PCGF5: variants seen among roughly 807,000 people sequenced by gnomAD.
PCGF5 encodes polycomb group ring finger 5.
A neutral mutation model predicts 44.3 loss-of-function variants in PCGF5; 9 were observed. The ratio of observed to expected loss-of-function variants is 0.20; its 90% CI spans 0.12 to 0.35. The LOEUF (loss-of-function observed/expected upper bound fraction) is 0.35, where lower values mean the gene tolerates loss of function less well. Ranked by LOEUF, PCGF5 falls within the 10% of genes least tolerant of loss-of-function variation. PCGF5 has a pLI of 1.00. For missense variants in PCGF5, 146 were observed against 305.3 expected, an observed-to-expected ratio of 0.48 and a Z score of 3.89; for synonymous variants, 95 against 102.5, an observed-to-expected ratio of 0.93 and a Z score of 0.44.
chr10:91,164,277 G>T (rs1037356452), intron 1 of PCGF5, among the ~76,000 whole-genome samples: 1 of 152,038 alleles, frequency 6.6e-6, no homozygotes, highest in Non-Finnish European at 1.5e-5. Flanking sequence ...AGGGACGGGG[G>T]AGACTTAGTG....
intron 1 of PCGF5, among the ~76,000 whole-genome samples, chr10:91,211,899 A>T (rs1471092629): frequency 6.6e-6 from 1 of 152,160 alleles, no homozygotes; most frequent in Non-Finnish European, 1.5e-5. Context: ...TGCAGAGCAA[A>T]GTGGTCTGGA....
chr10:91,225,347 T>C (rs1490402219), intron 2 of PCGF5, among the ~76,000 whole-genome samples: 14 of 150,470 alleles, frequency 9.3e-5, no homozygotes, highest in Admixed American at 9.3e-4. Flanking sequence ...ATTTAAAGCC[T>C]AAAGGGGTAA....
intron 5 of PCGF5, 36 bp from the exon 6 acceptor site, chr10:91,251,256 A>G: frequency 1.3e-6 from 2 of 1,538,554 alleles, no homozygotes; most frequent in Middle Eastern, 2.0e-4. Context: ...ATCAACTTTG[A>G]TTTATAGCTA....
At chr10:91,209,798 AAAACGAAG>A (rs145754127) in intron 1 of PCGF5, among the ~76,000 whole-genome samples, 1,289 of 1,906 alleles carry the variant, frequency 0.68, 585 homozygotes, top group South Asian at 0.94. Context: ...AAAAAAAAGA[AAAACGAAG>A]AAAGGAATTG....
chr10:91,259,678 T>C (rs920558702), intron 6 of PCGF5, among the ~76,000 whole-genome samples: 27 of 152,088 alleles, frequency 1.8e-4, no homozygotes, highest in Non-Finnish European at 1.2e-4. Flanking sequence ...TATCTACAAC[T>C]ATCTGATCTT....
rs1032871869 is a variant in PCGF5, at chr10:91,225,352, G to T, written c.112+2369G>T. On this transcript the variant is annotated intron_variant, in intron 2 of 9. Coordinates refer to ENST00000336126, the MANE Select transcript of PCGF5 (RefSeq NM_032373.5). ...CTCAACAGCAATTTAAAGCCTAAAGGGGTAAATTAAATGACAGTTTAACTG... is the reference window on the plus strand; with the variant it reads ...CTCAACAGCAATTTAAAGCCTAAAGTGGTAAATTAAATGACAGTTTAACTG... Among the ~76,000 whole-genome samples the T allele has an allele frequency of 1.1e-4, 16 of 149,924 alleles. 1 individual carries two copies. Among genetic ancestry groups the T allele is most frequent in the Admixed American group, 7.3e-4 (11 of 14,998 alleles).
chr10:91,173,058 G>A (rs1158538751), intron 1 of PCGF5, among the ~76,000 whole-genome samples: 1 of 152,096 alleles, frequency 6.6e-6, no homozygotes, highest in African/African-American at 2.4e-5. Flanking sequence ...CTGTAGTGTA[G>A]GAAAAAAATT....
intron 3 of PCGF5, among the ~76,000 whole-genome samples, chr10:91,245,625 C>T (rs140337846): frequency 1.3e-5 from 2 of 152,164 alleles, no homozygotes; most frequent in African/African-American, 4.8e-5. Flanking sequence ...AATGCAATCT[C>T]ACAGCCTAAG....
intron 1 of PCGF5, among the ~76,000 whole-genome samples, chr10:91,179,822 G>T (rs1843786440): frequency 6.6e-6 from 1 of 152,138 alleles, no homozygotes; most frequent in African/African-American, 2.4e-5. Flanking sequence ...GCATGCATGT[G>T]TCTTTTTTGT....
rs1846398544 is a variant in PCGF5 at position 91,279,545 on chromosome 10, T to C, written c.*1229T>C. The C allele has an allele frequency of 6.6e-6, 1 of 152,134 alleles. No homozygotes were observed. The highest frequency in any genetic ancestry group is 2.4e-5 in the African/African-American group (1 of 41,452). The allele number at this position is 152,134 out of a possible 1,614,324, so 9.4% of individuals were successfully genotyped here. ...TGTATTTTGCAGTTTTGTTAAGTCT[T>C]CCATTCGTTTTAGGATTAGTCTGCA... On this transcript the variant is annotated 3_prime_UTR_variant, in exon 10 of 10. Coordinates refer to ENST00000336126, the MANE Select transcript of PCGF5 (RefSeq NM_032373.5).
At chr10:91,177,014 GT>G (rs1245696315) in intron 1 of PCGF5, among the ~76,000 whole-genome samples, 1 of 152,194 alleles carries the variant, frequency 6.6e-6, no homozygotes, top group Non-Finnish European at 1.5e-5. Context: ...TTTCTGCTCT[GT>G]TTTTTCCCCA....
intron 9 of PCGF5, among the ~76,000 whole-genome samples, chr10:91,272,369 G>A (rs1846199702): frequency 6.6e-6 from 1 of 152,192 alleles, no homozygotes; most frequent in Non-Finnish European, 1.5e-5. Context: ...GTTGGGCCAG[G>A]CATAGTGGCT....
At chr10:91,254,866 T>C (rs1845709257) in intron 6 of PCGF5, among the ~76,000 whole-genome samples, 1 of 152,096 alleles carries the variant, frequency 6.6e-6, no homozygotes, top group African/African-American at 2.4e-5. Context: ...TAGATGCATA[T>C]AGAGCATTTT....
intron 6 of PCGF5, among the ~76,000 whole-genome samples, chr10:91,256,022 T>C (rs1313492321): frequency 1.3e-5 from 2 of 152,196 alleles, no homozygotes; most frequent in East Asian, 1.9e-4. Flanking sequence ...AAAATATTTT[T>C]GATCTGTGAT....
At chr10:91,215,490 G>A (rs972416004), upstream of PCGF5, among the ~76,000 whole-genome samples, 4 of 152,212 alleles carry the variant, frequency 2.6e-5, no homozygotes, top group Admixed American at 6.5e-5. Context: ...CTCCTTAGGA[G>A]GCTGTCAGGT....
At chr10:91,194,076 G>C (rs1236320900) in intron 1 of PCGF5, among the ~76,000 whole-genome samples, 5 of 152,118 alleles carry the variant, frequency 3.3e-5, no homozygotes, top group African/African-American at 1.2e-4. Flanking sequence ...AGAATTGGAG[G>C]TCAGCTTGGA....
rs181322672 is a variant in PCGF5, at chr10:91,229,871, A to G, written c.112+6888A>G. Among the ~76,000 whole-genome samples, 12 of 152,316 alleles carry G rather than the reference A, an allele frequency of 7.9e-5. No individual in the cohort carries two copies. The East Asian group carries it at 1.7e-3, about 22-fold the overall frequency. ...GTAGGTGCAAATATAATGTTTTAAG[A>G]TATACTAGAAATGATGTCATTGGTA... On this transcript the variant is annotated intron_variant, in intron 2 of 9. Transcript: ENST00000336126.
chr10:91,258,553 C>T (rs1378181940), intron 6 of PCGF5, among the ~76,000 whole-genome samples: 1 of 152,108 alleles, frequency 6.6e-6, no homozygotes, highest in African/African-American at 2.4e-5. Context: ...TTATATTCTT[C>T]TCTGACTTAA....
At chr10:91,263,013 A>G (rs1845960025) in intron 7 of PCGF5, among the ~76,000 whole-genome samples, 1 of 152,240 alleles carries the variant, frequency 6.6e-6, no homozygotes. Context: ...ATATTTCGCT[A>G]TAAACAAAGA....
Sources: gnomAD v4.1 joint callset for allele counts (sites outside exome capture counted in the v4.1 genomes callset) on GRCh38, gnomAD v4.1.1 for gene constraint, MANE v1.5 for transcripts, NCBI Gene and HGNC (gene_info 2026-07-23, HGNC 2026-07-21) for gene names.